USP9Y: variants seen among roughly 807,000 people sequenced by gnomAD.
USP9Y encodes the protein ubiquitin specific peptidase 9 Y-linked.
USP9Y carries 41 observed loss-of-function variants against 53.1 expected under a neutral mutation model. The observed-to-expected ratio is 0.77, with a 90% CI of 0.60 to 1.00. USP9Y has a LOEUF of 1.00. USP9Y is among the 50% of genes least tolerant of loss of function. The probability of loss-of-function intolerance (pLI) is 0.00; values close to 1 mark genes in which losing one functional copy is unlikely to be tolerated. For missense variants in USP9Y, 567 were observed against 535.8 expected, an observed-to-expected ratio of 1.06 and a Z score of -0.58; for synonymous variants, 220 against 173.7, an observed-to-expected ratio of 1.27 and a Z score of -2.09.
In USP9Y at chrY:12,812,907, G is replaced by C; in HGVS notation, c.4464G>C (p.Glu1488Asp). 1 of 396,262 alleles carries C rather than the reference G, an allele frequency of 2.5e-6. No individual in the cohort carries two copies. Among genetic ancestry groups the C allele is most frequent in the Non-Finnish European group, 3.5e-6 (1 of 282,606 alleles). ...TAAGAAGTGGAGAACTACCAGCTGA[G>C]CAGGCTATTCCAGTCTGTAGTTCAC... ...QYLRSGELPA[E>D]QAIPVCSSPV... The change falls in exon 31 of 46, where the codon GAG becomes GAC. Residue 1488 changes from glutamate (E) to aspartate (D), a missense_variant. Physicochemically the swap from Glu to Asp is conservative, Grantham distance 45. Transcript: ENST00000338981.
At position 12,825,955 on chromosome Y, in the gene USP9Y, A is replaced by C. The variant is rs760613324; in HGVS notation, c.5021+7345A>C. 0.015 allele frequency among the ~76,000 whole-genome samples: 398 copies of C among 26,535 alleles called. No homozygotes were observed. The Middle Eastern group carries it at 0.31, about 21-fold the overall frequency. The allele number at this position is 26,535 out of a possible 37,273, so 71.2% of individuals were successfully genotyped here. A position where few individuals can be genotyped will look rare whatever the true frequency, so the allele number is the denominator to read the frequency against. On this transcript the variant is annotated intron_variant, in intron 33 of 45. Transcript: ENST00000338981. ...TTTCTTTTCTTTTCTTTTCTATTTG[A>C]AATGGAGTTTCACTCTTGTTGCCCA...
At chrY:12,729,391 G>A in intron 7 of USP9Y, among the ~76,000 whole-genome samples, 4 of 33,722 alleles carry the variant, frequency 1.2e-4, no homozygotes, top group African/African-American at 3.5e-4. Context: ...TCGATGGGTC[G>A]TTTAAGATGT....
rs767147095 is a variant in USP9Y at position 12,779,573 on chromosome Y, A to G, written c.3078A>G (p.Ala1026=). Reference sequence around the variant, plus strand: ...ACATCTCTTTCCTTTGGCAAGTTGCAGACTTAGGTAGCAACCTGAATATGC... The same window carrying G: ...ACATCTCTTTCCTTTGGCAAGTTGCGGACTTAGGTAGCAACCTGAATATGC... ...PRYISFLWQV[A]DLGSNLNMPP... is the part of the protein sequence containing the mutation. The change falls in exon 22 of 46, where the codon GCA becomes GCG. Residue 1026 remains alanine, a synonymous_variant. Transcript: ENST00000338981. 1 of 395,219 alleles carries G rather than the reference A, an allele frequency of 2.5e-6. No individual in the cohort carries two copies. The highest frequency in any genetic ancestry group is 3.0e-5 in the South Asian group (1 of 33,701).
At chrY:12,784,086 A>G (rs570291950) in intron 22 of USP9Y, among the ~76,000 whole-genome samples, 307 of 33,695 alleles carry the variant, frequency 9.1e-3, no homozygotes, top group Non-Finnish European at 0.019. Context: ...TATAATTTGG[A>G]TGGCCCAGGT....
At position 12,847,269 on chromosome Y, in the gene USP9Y, C is replaced by T; in HGVS notation, c.7006C>T (p.Pro2336Ser). The T allele has an allele frequency of 2.5e-6, 1 of 396,230 alleles. No individual in the cohort carries two copies. The highest frequency in any genetic ancestry group is 3.6e-6 in the Non-Finnish European group (1 of 281,524). ...VAYSYTYELR[P>S]YLDLLFQILL... ...ATATTCATATACCTATGAACTTCGG[C>T]CATATTTAGATCTACTTTTCCAAAT... Residue 2336 changes from proline (P) to serine (S), a missense_variant, in exon 42 of 46, where the codon CCA becomes TCA. Coordinates refer to ENST00000338981, the MANE Select transcript of USP9Y (RefSeq NM_004654.4).
At chrY:12,859,138 C>T in intron 45 of USP9Y, 141 bp from the exon 46 acceptor site, 1 of 188,536 alleles carries the variant, frequency 5.3e-6, no homozygotes, top group South Asian at 4.9e-5. Flanking sequence ...ATATAAAAAT[C>T]AGATTGTAAG....
intron 33 of USP9Y, among the ~76,000 whole-genome samples, chrY:12,826,705 GAAAAAAA>G (rs782619044): frequency 1.2e-4 from 1 of 8,541 alleles, no homozygotes; most frequent in South Asian, 3.6e-3. Flanking sequence ...AATGAAGTTG[GAAAAAAA>G]AAAAAAAAAA....
intron 27 of USP9Y, among the ~76,000 whole-genome samples, chrY:12,800,241 T>C: frequency 8.9e-5 from 3 of 33,551 alleles, no homozygotes; most frequent in Admixed American, 5.4e-4. Flanking sequence ...AATAGACTTA[T>C]AACACTCACT....
At chrY:12,852,176 T>G (rs2053571728) in intron 42 of USP9Y, among the ~76,000 whole-genome samples, 1 of 33,489 alleles carries the variant, frequency 3.0e-5, no homozygotes, top group Non-Finnish European at 7.4e-5. Context: ...AGATTTGGTC[T>G]TTTCACATAG....
At chrY:12,770,235 C>T (rs1023346476) in intron 15 of USP9Y, among the ~76,000 whole-genome samples, 2 of 32,791 alleles carry the variant, frequency 6.1e-5, no homozygotes, top group Non-Finnish European at 1.5e-4. Flanking sequence ...CATGATGAAA[C>T]CCCGTCTTTA....
intron 20 of USP9Y, 60 bp from the exon 21 acceptor site, chrY:12,778,546 C>T: frequency 5.5e-6 from 2 of 361,749 alleles, no homozygotes; most frequent in Non-Finnish European, 4.0e-6. Context: ...GTATCTAGTT[C>T]CCATTACTTG....
intron 9 of USP9Y, 38 bp downstream of exon 9, chrY:12,736,287 C>A (rs2053451715): frequency 2.7e-6 from 1 of 365,668 alleles, no homozygotes; most frequent in African/African-American, 6.5e-5. Context: ...TGTGTGAATT[C>A]TGATATAACA....
chrY:12,816,541 G>GTTT (rs2148289665), intron 32 of USP9Y, among the ~76,000 whole-genome samples, 197 bp downstream of exon 32: 1 of 33,736 alleles, frequency 3.0e-5, no homozygotes, highest in South Asian at 6.4e-4. Context: ...ATTAAACACT[G>GTTT]TTTTTTTGTT....
intron 30 of USP9Y, among the ~76,000 whole-genome samples, chrY:12,812,470 A>G (rs2053531956): frequency 3.0e-5 from 1 of 33,494 alleles, no homozygotes; most frequent in South Asian, 6.7e-4. Context: ...TTTATACACT[A>G]TTTCTTGGTG....
chrY:12,815,485 C>G, intron 31 of USP9Y, among the ~76,000 whole-genome samples: 1 of 33,866 alleles, frequency 3.0e-5, no homozygotes, highest in Non-Finnish European at 7.4e-5. Flanking sequence ...CTTGGCCTCC[C>G]AAAGTGCTGC....
chrY:12,766,048 G>A, intron 15 of USP9Y, among the ~76,000 whole-genome samples: 1 of 33,592 alleles, frequency 3.0e-5, no homozygotes, highest in Non-Finnish European at 7.4e-5. Context: ...TAACCCATCC[G>A]GTTTTTGCTG....
intron 42 of USP9Y, among the ~76,000 whole-genome samples, 164 bp downstream of exon 42, chrY:12,847,491 T>A: frequency 6.1e-5 from 2 of 32,813 alleles, no homozygotes; most frequent in Admixed American, 2.8e-4. Context: ...TTTTTTTTTT[T>A]AATTATACTT....
At chrY:12,778,307 G>C in intron 20 of USP9Y, 48 bp downstream of exon 20, 1 of 323,225 alleles carries the variant, frequency 3.1e-6, no homozygotes, top group Non-Finnish European at 4.4e-6. Context: ...AAATGTTGAG[G>C]CTATATTAGT....
chrY:12,755,570 G>A (rs912280662), intron 12 of USP9Y, among the ~76,000 whole-genome samples: 1 of 33,115 alleles, frequency 3.0e-5, no homozygotes, highest in Non-Finnish European at 7.4e-5. Flanking sequence ...ATTTCTCTGT[G>A]TTTATTTTCC....
Sources: allele counts gnomAD v4.1 joint callset (sites outside exome capture counted in the v4.1 genomes callset), GRCh38; gene constraint gnomAD v4.1.1; transcripts MANE v1.5; gene names NCBI Gene and HGNC (gene_info 2026-07-23, HGNC 2026-07-21).